The following DEPDC5 variants were observed in gnomAD, a reference collection of about 807,000 sequenced individuals.
DEPDC5 encodes the protein GATOR1 complex protein DEPDC5.
Under a neutral mutation model 217.3 loss-of-function variants are expected in DEPDC5, and 73 were observed. The ratio of observed to expected loss-of-function variants is 0.34; its 90% CI spans 0.28 to 0.41. The LOEUF (loss-of-function observed/expected upper bound fraction) is 0.41. Among genes scored for constraint, DEPDC5 ranks in the 10% least tolerant of loss-of-function variants. The pLI is 1.00. For synonymous variants in DEPDC5, 733 were observed against 756.7 expected, an observed-to-expected ratio of 0.97 and a Z score of 0.51; for missense variants, 1,675 against 2,070.1, an observed-to-expected ratio of 0.81 and a Z score of 3.70.
intron 38 of DEPDC5, among the ~76,000 whole-genome samples, chr22:31,887,095 AAG>A (rs549203517): frequency 2.7e-5 from 4 of 150,086 alleles, no homozygotes; most frequent in Non-Finnish European, 5.9e-5. Context: ...AAAAAAAAAA[AAG>A]AGAGAGAGAG....
chr22:31,843,911 TC>T, intron 29 of DEPDC5, 99 bp downstream of exon 29: 1 of 1,284,842 alleles, frequency 7.8e-7, no homozygotes, highest in Non-Finnish European at 1.0e-6. Flanking sequence ...TCTCCCTTTT[TC>T]TTTTTTTTTT....
chr22:31,839,468 A>G (rs528626853), intron 27 of DEPDC5, among the ~76,000 whole-genome samples: 1 of 152,292 alleles, frequency 6.6e-6, no homozygotes, highest in South Asian at 2.1e-4. Context: ...ACTTCCTGGA[A>G]CAATCAATGA....
chr22:31,827,479 C>T (rs1602213177), intron 24 of DEPDC5, among the ~76,000 whole-genome samples: 2 of 152,288 alleles, frequency 1.3e-5, no homozygotes, highest in East Asian at 1.9e-4. Flanking sequence ...GATGCAGTAG[C>T]GAGTTACCTG....
At chr22:31,891,102 T>A (rs2093429586) in intron 38 of DEPDC5, 1 of 405,752 alleles carries the variant, frequency 2.5e-6, no homozygotes, top group South Asian at 2.4e-5. Context: ...CAACACAATC[T>A]AGGTCAATCT....
chr22:31,806,266 G>A, intron 18 of DEPDC5, 75 bp downstream of exon 18: 1 of 1,308,786 alleles, frequency 7.6e-7, no homozygotes. Context: ...GACTCAATCA[G>A]TCCTCCTGTT....
At chr22:31,831,021 G>GA in intron 24 of DEPDC5, 1 of 149,496 alleles carries the variant, frequency 6.7e-6, no homozygotes, top group Admixed American at 6.7e-5. Context: ...ATATTTGTAT[G>GA]AAAATGAAAG....
intron 7 of DEPDC5, among the ~76,000 whole-genome samples, chr22:31,777,018 A>G (rs1488510084): frequency 6.6e-6 from 1 of 151,534 alleles, no homozygotes; most frequent in African/African-American, 2.4e-5. Flanking sequence ...GCTGGAGTGC[A>G]GTGGTGCGAT....
intron 36 of DEPDC5, 133 bp from the exon 37 acceptor site, chr22:31,876,024 A>G (rs905502838): frequency 3.0e-6 from 2 of 659,698 alleles, no homozygotes; most frequent in Non-Finnish European, 5.3e-6. Context: ...CAAGTACAAC[A>G]TGTCTAATCT....
At chr22:31,829,586 C>T (rs1029696202) in intron 24 of DEPDC5, among the ~76,000 whole-genome samples, 1 of 151,992 alleles carries the variant, frequency 6.6e-6, no homozygotes. Flanking sequence ...TATCTGTGAC[C>T]CTACCTTCAC....
At chr22:31,792,712 C>T in intron 11 of DEPDC5, 33 bp from the exon 12 acceptor site, 1 of 1,503,248 alleles carries the variant, frequency 6.7e-7, no homozygotes, top group Non-Finnish European at 8.9e-7. Context: ...CTCTTCTCAG[C>T]CTGAACTACA....
intron 39 of DEPDC5, among the ~76,000 whole-genome samples, chr22:31,896,087 A>C (rs1484732998): frequency 1.3e-5 from 2 of 151,992 alleles, no homozygotes; most frequent in African/African-American, 4.8e-5. Flanking sequence ...CAGGAAGGAC[A>C]GTGTTCATTT....
intron 1 of DEPDC5, among the ~76,000 whole-genome samples, chr22:31,754,587 AC>A (rs1370746617): frequency 1.3e-5 from 2 of 152,178 alleles, no homozygotes; most frequent in Non-Finnish European, 2.9e-5. Context: ...GGTGATGAGC[AC>A]CCATTCAGCG....
At chr22:31,777,918 T>C in intron 7 of DEPDC5, 181 bp from the exon 8 acceptor site, 1 of 598,868 alleles carries the variant, frequency 1.7e-6, no homozygotes, top group Non-Finnish European at 3.0e-6. Context: ...CGGCTAAATT[T>C]TGGATTTTTA....
chr22:31,773,564 CA>C (rs1182217078), intron 7 of DEPDC5, among the ~76,000 whole-genome samples: 3 of 152,164 alleles, frequency 2.0e-5, no homozygotes, highest in Non-Finnish European at 4.4e-5. Context: ...ATGTAAACTA[CA>C]GTCTTCTATC....
rs1410038127 is a variant in DEPDC5, at chr22:31,897,564, A to G, written c.4286A>G (p.Tyr1429Cys). Reference sequence around the variant, plus strand: ...GAGGGGCCTTTTGCACTGCCCAGTTACCTGTATGGCGACCCCCTTCGTGCC... The same window carrying G: ...GAGGGGCCTTTTGCACTGCCCAGTTGCCTGTATGGCGACCCCCTTCGTGCC... Reference protein sequence around the residue: ...VLEGPFALPSYLYGDPLRAQL... With the variant: ...VLEGPFALPSCLYGDPLRAQL... The change falls in exon 40 of 43, where the codon TAC becomes TGC. Residue 1429 changes from tyrosine to cysteine, a missense_variant. Transcript: ENST00000651528. 2.0e-5 allele frequency: 32 copies of G among 1,613,952 alleles called. No homozygotes were observed. Among genetic ancestry groups the G allele is most frequent in the Non-Finnish European group, 2.5e-5 (30 of 1,180,004 alleles).
chr22:31,863,704 C>T (rs1233728919), intron 33 of DEPDC5, among the ~76,000 whole-genome samples: 1 of 152,110 alleles, frequency 6.6e-6, no homozygotes, highest in Admixed American at 6.5e-5. Context: ...AGACAGATCA[C>T]TTGAGGTCAG....
chr22:31,873,475 C>A, intron 35 of DEPDC5, 143 bp downstream of exon 35: 1 of 780,214 alleles, frequency 1.3e-6, no homozygotes, highest in Non-Finnish European at 2.0e-6. Context: ...CTTGACCTCT[C>A]TGAGCCTCTG....
intron 7 of DEPDC5, among the ~76,000 whole-genome samples, chr22:31,771,266 T>C (rs754266853): frequency 1.3e-5 from 2 of 152,152 alleles, no homozygotes; most frequent in Non-Finnish European, 2.9e-5. Context: ...ATACTGATCC[T>C]AAAAAGAAAG....
intron 39 of DEPDC5, 50 bp downstream of exon 39, chr22:31,893,801 G>T: frequency 1.4e-6 from 2 of 1,459,346 alleles, no homozygotes; most frequent in Non-Finnish European, 9.1e-7. Context: ...CTCACAGTGG[G>T]CATGGAGATG....
Sources: allele counts gnomAD v4.1 joint callset (sites outside exome capture counted in the v4.1 genomes callset), GRCh38; gene constraint gnomAD v4.1.1; transcripts MANE v1.5; gene names NCBI Gene and HGNC (gene_info 2026-07-23, HGNC 2026-07-21).